The following MSRB3 variants were observed in gnomAD, a reference collection of about 807,000 sequenced individuals.
MSRB3 encodes methionine-R-sulfoxide reductase B3.
In MSRB3, 13 loss-of-function variants were observed where a neutral mutation model predicts 21.0. The ratio of observed to expected loss-of-function variants is 0.62; its 90% CI spans 0.40 to 0.98. The LOEUF is 0.98. MSRB3 is among the 50% of genes least tolerant of loss of function. The pLI, the probability that MSRB3 is intolerant of heterozygous loss-of-function variation, is 0.00. For missense variants in MSRB3, 199 were observed against 230.3 expected (o/e 0.86, Z 0.88); for synonymous variants, 87 against 88.6 (o/e 0.98, Z 0.10).
chr12:65,436,079 G>A (rs897683472), intron 5 of MSRB3, among the ~76,000 whole-genome samples: 17 of 151,764 alleles, frequency 1.1e-4, no homozygotes, highest in African/African-American at 4.1e-4. Context: ...TTCAGGCATA[G>A]GCTTTAGATA....
intron 2 of MSRB3, among the ~76,000 whole-genome samples, chr12:65,324,122 A>G (rs1181935016): frequency 6.6e-6 from 1 of 152,226 alleles, no homozygotes; most frequent in Non-Finnish European, 1.5e-5. Flanking sequence ...TACAGTTAGG[A>G]AACAATATTT....
chr12:65,314,452 A>G lies in MSRB3; in HGVS notation c.76+5797A>G, dbSNP rs1306491419. Among the ~76,000 whole-genome samples the G allele has an allele frequency of 4.6e-5, 7 of 152,128 alleles. No individual in the cohort carries two copies. The South Asian group carries it at 1.2e-3, about 27-fold the overall frequency. On this transcript the variant is annotated intron_variant, in intron 2 of 6. Coordinates refer to ENST00000308259, the MANE Select transcript of MSRB3 (RefSeq NM_001031679.3). ...ATTAAATGAGTACTCTGATGCAGCTATATTTTTCTAAAACAAACTGTTTTA... is the reference window on the plus strand; with the variant it reads ...ATTAAATGAGTACTCTGATGCAGCTGTATTTTTCTAAAACAAACTGTTTTA...
intron 5 of MSRB3, among the ~76,000 whole-genome samples, chr12:65,445,650 T>TTA (rs1796625844): frequency 5.9e-5 from 1 of 17,064 alleles, no homozygotes; most frequent in African/African-American, 1.9e-4. Flanking sequence ...ATATATATAA[T>TTA]TTTTTTTTTT....
intron 5 of MSRB3, among the ~76,000 whole-genome samples, chr12:65,394,935 T>C (rs937888465): frequency 3.3e-5 from 5 of 152,134 alleles, no homozygotes; most frequent in Non-Finnish European, 7.4e-5. Context: ...AAAGGACATA[T>C]GAAAACCGAC....
chr12:65,375,340 A>G (rs2136546101), intron 5 of MSRB3, among the ~76,000 whole-genome samples: 1 of 152,332 alleles, frequency 6.6e-6, no homozygotes, highest in African/African-American at 2.4e-5. Context: ...CTTATGTCAC[A>G]TACTTACATT....
At position 65,326,915 on chromosome 12, in the gene MSRB3, C is replaced by A; in HGVS notation, c.166C>A (p.Gln56Lys). The A allele has an allele frequency of 1.2e-6, 2 of 1,613,668 alleles. No homozygotes were observed. The highest frequency in any genetic ancestry group is 3.3e-5 in the Admixed American group (2 of 59,972). ...AACACCCCTGCAGTACCATGTCACTCAGGAGAAAGGGACCGAAAGGTAAGG... is the reference window on the plus strand; with the variant it reads ...AACACCCCTGCAGTACCATGTCACTAAGGAGAAAGGGACCGAAAGGTAAGG... ...RLTPLQYHVT[Q>K]EKGTESAFEG... The change falls in exon 3 of 7, where the codon CAG (glutamine) becomes AAG (lysine). Residue 56 changes from glutamine (Q) to lysine (K), a missense_variant. By Grantham distance (53) the Gln-to-Lys change is moderately conservative. Coordinates refer to ENST00000308259, the MANE Select transcript of MSRB3 (RefSeq NM_001031679.3).
Position 65,391,988 on chromosome 12 carries a change from A to G in MSRB3, c.292+22962A>G, listed in dbSNP as rs76467419. ...CAAGGGCCTGCCTGATTTTCCTGCTACAGTAGTACTGTTACGTGCACCTGG... is the reference window on the plus strand; with the variant it reads ...CAAGGGCCTGCCTGATTTTCCTGCTGCAGTAGTACTGTTACGTGCACCTGG... On this transcript the variant is annotated intron_variant, in intron 5 of 6. Coordinates refer to ENST00000308259, the MANE Select transcript of MSRB3 (RefSeq NM_001031679.3). Among the ~76,000 whole-genome samples the G allele has an allele frequency of 2.7e-3, 416 of 152,298 alleles. 3 individuals are homozygous for G. Among genetic ancestry groups the G allele is most frequent in the African/African-American group, 9.3e-3 (388 of 41,544 alleles).
At chr12:65,329,592 G>A (rs895164990) in intron 4 of MSRB3, among the ~76,000 whole-genome samples, 2 of 151,336 alleles carry the variant, frequency 1.3e-5, no homozygotes, top group African/African-American at 4.9e-5. Context: ...GGAGGTTGCA[G>A]TCAGCCAAGT....
At chr12:65,372,119 A>C (rs533910289) in intron 5 of MSRB3, among the ~76,000 whole-genome samples, 2 of 152,300 alleles carry the variant, frequency 1.3e-5, no homozygotes, top group South Asian at 2.1e-4. Context: ...AAGGCGTTAA[A>C]GTTTTGAGGT....
chr12:65,440,412 CTGT>C (rs1409509927), intron 5 of MSRB3, among the ~76,000 whole-genome samples: 1 of 151,704 alleles, frequency 6.6e-6, no homozygotes, highest in African/African-American at 2.4e-5. Flanking sequence ...TTACAAAGAA[CTGT>C]TATCAATTAA....
chr12:65,375,524 A>C (rs1044248276), intron 5 of MSRB3, among the ~76,000 whole-genome samples: 33 of 152,170 alleles, frequency 2.2e-4, no homozygotes, highest in African/African-American at 7.0e-4. Flanking sequence ...CATAACCTTG[A>C]ACTCCTGGGC....
At chr12:65,363,423 A>G (rs936301532) in intron 4 of MSRB3, among the ~76,000 whole-genome samples, 8 of 152,180 alleles carry the variant, frequency 5.3e-5, no homozygotes, top group Admixed American at 2.0e-4. Context: ...ACCAATGACT[A>G]AAAGTGACCT....
chr12:65,400,172 G>A (rs1880043413), intron 5 of MSRB3, among the ~76,000 whole-genome samples: 1 of 151,748 alleles, frequency 6.6e-6, no homozygotes, highest in Non-Finnish European at 1.5e-5. Flanking sequence ...GTTTCAGAAG[G>A]AATGGTACTA....
At chr12:65,306,985 A>G (rs1873691400) in intron 1 of MSRB3, 1 of 985,880 alleles carries the variant, frequency 1.0e-6, no homozygotes, top group Non-Finnish European at 1.2e-6. Context: ...AAGACGTTTT[A>G]TGGTCAGCTG....
intron 1 of MSRB3, among the ~76,000 whole-genome samples, chr12:65,305,405 T>C (rs1873594110): frequency 2.0e-5 from 3 of 152,206 alleles, no homozygotes; most frequent in Admixed American, 6.5e-5. Context: ...TTCGTCATAC[T>C]ACCTAGTGGG....
At chr12:65,406,955 T>G (rs905156468) in intron 5 of MSRB3, among the ~76,000 whole-genome samples, 13 of 152,236 alleles carry the variant, frequency 8.5e-5, no homozygotes, top group African/African-American at 3.1e-4. Context: ...AATCTGCCAG[T>G]GCCTTGATCT....
In MSRB3 at chr12:65,379,168, TTCCATCCATCCA is replaced by T. The variant is rs58173378; in HGVS notation, c.292+10181_292+10192del. Among the ~76,000 whole-genome samples, 1,109 of 148,424 alleles carry T rather than the reference TTCCATCCATCCA, an allele frequency of 7.5e-3. 16 individuals carry two copies. Among genetic ancestry groups the T allele is most frequent in the African/African-American group, 0.023 (923 of 40,068 alleles). On this transcript the variant is annotated intron_variant, in intron 5 of 6. Coordinates refer to ENST00000308259, the MANE Select transcript of MSRB3 (RefSeq NM_001031679.3). ...TGGCCACAACTTCATTCAACCATCCTTCCATCCATCCATCCATCCATCCATCCATCCATCCAT... is the reference window on the plus strand; with the variant it reads ...TGGCCACAACTTCATTCAACCATCCTTCCATCCATCCATCCATCCATCCAT...
chr12:65,326,460 T>C (rs992363622), intron 2 of MSRB3, among the ~76,000 whole-genome samples: 1 of 152,162 alleles, frequency 6.6e-6, no homozygotes, highest in Non-Finnish European at 1.5e-5. Context: ...ATTTTATATA[T>C]ACAGTATAAA....
At chr12:65,361,020 G>A (rs151167834) in intron 4 of MSRB3, among the ~76,000 whole-genome samples, 58 of 150,820 alleles carry the variant, frequency 3.8e-4, no homozygotes, top group African/African-American at 1.2e-3. Context: ...TTAAAGTTTC[G>A]CCTCACATAA....
Sources: allele counts gnomAD v4.1 joint callset (sites outside exome capture counted in the v4.1 genomes callset), GRCh38; gene constraint gnomAD v4.1.1; transcripts MANE v1.5; gene names NCBI Gene and HGNC (gene_info 2026-07-23, HGNC 2026-07-21).